The following LEF1 variants were observed in gnomAD, a reference collection of about 807,000 sequenced individuals.
LEF1 encodes lymphoid enhancer-binding factor 1.
LEF1 carries 14 observed loss-of-function variants against 51.2 expected under a neutral mutation model. The observed-to-expected ratio is 0.27, with a 90% confidence interval of 0.18 to 0.43. The LOEUF (loss-of-function observed/expected upper bound fraction) is 0.43. Ranked by LOEUF, LEF1 falls within the 20% of genes least tolerant of loss-of-function variation. LEF1 has a pLI of 1.00. For missense variants in LEF1, 386 were observed against 512.0 expected, an observed-to-expected ratio of 0.75 and a Z score of 2.37; for synonymous variants, 185 against 183.2, an observed-to-expected ratio of 1.01 and a Z score of -0.08.
chr4:108,050,213 C>A (rs1434719797), intron 11 of LEF1, among the ~76,000 whole-genome samples: 1 of 152,220 alleles, frequency 6.6e-6, no homozygotes, highest in African/African-American at 2.4e-5. Context: ...CCTGGAAAAT[C>A]AACCATTCCC....
intron 3 of LEF1, among the ~76,000 whole-genome samples, chr4:108,141,528 C>T (rs1018614883): frequency 5.3e-5 from 8 of 152,192 alleles, no homozygotes; most frequent in African/African-American, 1.9e-4. Context: ...GGTTGAATTA[C>T]ACATAATTGT....
intron 3 of LEF1, among the ~76,000 whole-genome samples, chr4:108,127,144 A>G (rs1578374573): frequency 3.9e-5 from 1 of 25,530 alleles, no homozygotes; most frequent in East Asian, 4.2e-4. Context: ...ATTTTGGCAG[A>G]AAAAAACAGT....
intron 3 of LEF1, among the ~76,000 whole-genome samples, chr4:108,141,271 A>C (rs1013609495): frequency 6.6e-6 from 1 of 152,194 alleles, no homozygotes; most frequent in African/African-American, 2.4e-5. Context: ...CTGTTCCCTG[A>C]AGTTGTTCAG....
chr4:108,056,675 A>C (rs1428955743), intron 11 of LEF1, among the ~76,000 whole-genome samples: 1 of 152,132 alleles, frequency 6.6e-6, no homozygotes. Flanking sequence ...GGGATTTCTG[A>C]ACACAAGCAT....
At chr4:108,114,597 G>T (rs1024068276) in intron 3 of LEF1, among the ~76,000 whole-genome samples, 2 of 152,190 alleles carry the variant, frequency 1.3e-5, no homozygotes, top group Non-Finnish European at 1.5e-5. Flanking sequence ...AGATGTGGAC[G>T]TTTAAGTGTG....
At chr4:108,109,715 A>G (rs1741400773) in intron 3 of LEF1, among the ~76,000 whole-genome samples, 1 of 152,224 alleles carries the variant, frequency 6.6e-6, no homozygotes, top group South Asian at 2.1e-4. Flanking sequence ...CAGAAGGCAA[A>G]ACATTCAGGG....
intron 3 of LEF1, among the ~76,000 whole-genome samples, chr4:108,129,691 CTT>C (rs1742747236): frequency 6.6e-6 from 1 of 152,154 alleles, no homozygotes; most frequent in Non-Finnish European, 1.5e-5. Context: ...CTCTGTAAGT[CTT>C]TTCAATAACA....
chr4:108,148,129 G>C (rs530077706), intron 3 of LEF1, among the ~76,000 whole-genome samples: 2 of 152,160 alleles, frequency 1.3e-5, no homozygotes, highest in Non-Finnish European at 2.9e-5. Flanking sequence ...GAGGGTCTAA[G>C]TCCTGGCCTC....
intron 3 of LEF1, among the ~76,000 whole-genome samples, chr4:108,138,462 G>A (rs1018638393): frequency 6.6e-6 from 1 of 151,964 alleles, no homozygotes; most frequent in East Asian, 1.9e-4. Flanking sequence ...TGACTCATGA[G>A]CTTTAAACAC....
chr4:108,127,611 G>A (rs894169998), intron 3 of LEF1, among the ~76,000 whole-genome samples: 11 of 152,102 alleles, frequency 7.2e-5, no homozygotes, highest in Non-Finnish European at 1.2e-4. Flanking sequence ...ATTCTGAACA[G>A]GTTTCATAGC....
Position 108,167,573 on chromosome 4 carries a change from C to G in LEF1, c.195G>C (p.Pro65=). 1 of 1,614,164 alleles carries G rather than the reference C, an allele frequency of 6.2e-7. No homozygotes were observed. Among genetic ancestry groups the G allele is most frequent in the Non-Finnish European group, 8.5e-7 (1 of 1,180,016 alleles). ...CGCTCACCTCGTGTCCGTTGCTGGC[C>G]GGGATGATTTCAGACTCGTTCACCA... is the stretch of plus-strand genomic sequence containing the variant. The part of the protein sequence containing the change: ...SSLVNESEII[P]ASNGHEVARQ... The change falls in exon 1 of 12, where the codon CCG becomes CCC. Residue 65 remains proline (P), a synonymous_variant. Coordinates refer to ENST00000265165, the MANE Select transcript of LEF1 (RefSeq NM_016269.5). The surrounding 1 kb of genome is among the most constrained non-coding windows in gnomAD (Gnocchi z 5.7).
chr4:108,167,740 C>T lies in LEF1; in HGVS notation c.28G>A (p.Gly10Ser), dbSNP rs759797405. Residue 10 changes from glycine (G) to serine (S), a missense_variant, in exon 1 of 12, where the codon GGC (glycine) becomes AGC (serine). This residue lies in a region of LEF1 where 335 missense variants were observed against 390.7 expected (regional missense o/e 0.86). Transcript: ENST00000265165. This position sits in a 1 kb window ranked among gnomAD's most constrained non-coding sequence, Gnocchi z 5.7. MPQLSGGGG[G>S]GGGDPELCAT... ...CAGAGTTCCGGGTCCCCCCCGCCGC[C>T]GCCACCTCCTCCGGAGAGTTGGGGC... 1.9e-6 allele frequency: 3 copies of T among 1,613,530 alleles called. No homozygotes were observed. Among genetic ancestry groups the T allele is most frequent in the Non-Finnish European group, 2.5e-6 (3 of 1,180,018 alleles).
rs117139658 is a variant in LEF1 at position 108,146,805 on chromosome 4, T to C, written c.414+16763A>G. On this transcript the variant is annotated intron_variant, in intron 3 of 11. Coordinates refer to ENST00000265165, the MANE Select transcript of LEF1 (RefSeq NM_016269.5). ...AGCACTTCACATATTGGATTAGGGT[T>C]ACTCAACCTGTATCGATAAAACAAC... Among the ~76,000 whole-genome samples the C allele has an allele frequency of 3.0e-4, 45 of 152,350 alleles. No homozygotes were observed. In the East Asian group the frequency reaches 7.5e-3, roughly 25 times the overall value.
chr4:108,132,659 C>CTTTTTTTTTTTTTTTTTTTTTTTTTTT lies in LEF1; in HGVS notation c.414+30908_414+30909insAAAAAAAAAAAAAAAAAAAAAAAAAAA, dbSNP rs749911957. ...ATATGGGATGAGAGCGAAAATCTGC[C>CTTTTTTTTTTTTTTTTTTTTTTTTTTT]TTTTTTTTTTTTTTTTTTTTTTTTT... On this transcript the variant is annotated intron_variant, in intron 3 of 11. Transcript: ENST00000265165. Among the ~76,000 whole-genome samples the CTTTTTTTTTTTTTTTTTTTTTTTTTTT allele has an allele frequency of 1.9e-4, 9 of 47,444 alleles. 3 individuals carry two copies. Among genetic ancestry groups the CTTTTTTTTTTTTTTTTTTTTTTTTTTT allele is most frequent in the East Asian group, 1.6e-3 (2 of 1,266 alleles). 31.1% of individuals were successfully genotyped at this position (47,444 alleles called of 152,430 possible). A position where few individuals can be genotyped will look rare whatever the true frequency, so the allele number is the denominator to read the frequency against.
chr4:108,099,915 T>C lies in LEF1; in HGVS notation c.415-10658A>G, dbSNP rs551280728. Among the ~76,000 whole-genome samples the C allele has an allele frequency of 5.9e-5, 9 of 152,168 alleles. No individual in the cohort carries two copies. In the South Asian group the frequency reaches 1.9e-3, roughly 32 times the overall value. ...TAACTTCTTCAACTTGCCAGTCAAC[T>C]CAGATAACTTTTACAAATACCTAAC... On this transcript the variant is annotated intron_variant, in intron 3 of 11. Transcript: ENST00000265165.
chr4:108,105,836 TA>T (rs1300569402), intron 3 of LEF1, among the ~76,000 whole-genome samples: 3 of 152,122 alleles, frequency 2.0e-5, no homozygotes, highest in Admixed American at 2.0e-4. Flanking sequence ...ATTTACCTTA[TA>T]AAGAAAGGGG....
At chr4:108,139,667 C>T (rs761417037) in intron 3 of LEF1, among the ~76,000 whole-genome samples, 1 of 152,206 alleles carries the variant, frequency 6.6e-6, no homozygotes, top group South Asian at 2.1e-4. Context: ...GAAATATGTG[C>T]TGCCATTTTG....
Position 108,128,675 on chromosome 4 carries a change from C to A in LEF1, c.414+34893G>T, listed in dbSNP as rs534618577. Among the ~76,000 whole-genome samples, 11 of 152,084 alleles carry A rather than the reference C, an allele frequency of 7.2e-5. No individual in the cohort carries two copies. The South Asian group carries it at 2.1e-3, about 29-fold the overall frequency. On this transcript the variant is annotated intron_variant, in intron 3 of 11. Coordinates refer to ENST00000265165, the MANE Select transcript of LEF1 (RefSeq NM_016269.5). ...AAACAAATACATAAAGATACAGAAG[C>A]CATACCTATTGAAAAGATAATCGGT...
intron 7 of LEF1, 174 bp from the exon 8 acceptor site, chr4:108,078,556 A>C (rs1739073873): frequency 1.4e-6 from 1 of 733,366 alleles, no homozygotes; most frequent in East Asian, 2.6e-5. Context: ...TTGACAAAAC[A>C]CTGAGAGGCA....
Sources: gnomAD v4.1 joint callset for allele counts (sites outside exome capture counted in the v4.1 genomes callset) on GRCh38, gnomAD v4.1.1 for gene constraint, gnomAD v4.1.1 regional missense constraint, Gnocchi (gnomAD v3.1) non-coding constraint, MANE v1.5 for transcripts, NCBI Gene and HGNC (gene_info 2026-07-23, HGNC 2026-07-21) for gene names.